PRKAG2: variants seen among roughly 807,000 people sequenced by gnomAD.
PRKAG2 encodes the protein protein kinase AMP-activated non-catalytic subunit gamma 2, also known as 5'-AMP-activated protein kinase subunit gamma-2.
A neutral mutation model predicts 69.6 loss-of-function variants in PRKAG2; 26 were observed. The ratio of observed to expected loss-of-function variants is 0.37; its 90% confidence interval spans 0.27 to 0.52. PRKAG2 has a LOEUF of 0.52. PRKAG2 is among the 20% of genes least tolerant of loss of function. The pLI is 0.90. For synonymous variants in PRKAG2, 293 were observed against 285.0 expected (o/e 1.03, Z -0.28); for missense variants, 557 against 740.0 (o/e 0.75, Z 2.87).
At chr7:151,744,233 C>T (rs549878259) in intron 3 of PRKAG2, among the ~76,000 whole-genome samples, 5 of 152,210 alleles carry the variant, frequency 3.3e-5, no homozygotes, top group East Asian at 1.9e-4. Flanking sequence ...GGTTCTCAGC[C>T]GGTGCCCCGG....
At chr7:151,743,396 A>T (rs933576971) in intron 3 of PRKAG2, among the ~76,000 whole-genome samples, 1 of 152,120 alleles carries the variant, frequency 6.6e-6, no homozygotes, top group African/African-American at 2.4e-5. Flanking sequence ...TTCTGACACT[A>T]GGTTTATAAG....
rs372573530 is a variant in PRKAG2 at position 151,614,673 on chromosome 7, T to C, written c.754+17396A>G. Reference sequence around the variant, plus strand: ...TTTCAGAGCAAACAGCTCGCAGTGATGATCTGTGGCCCTAAGCCCACTTTG... The same window carrying C: ...TTTCAGAGCAAACAGCTCGCAGTGACGATCTGTGGCCCTAAGCCCACTTTG... On this transcript the variant is annotated intron_variant, in intron 5 of 15. Transcript: ENST00000287878. This position sits in a 1 kb window ranked among gnomAD's most constrained non-coding sequence, Gnocchi z 4.4. 6.2e-4 allele frequency among the ~76,000 whole-genome samples: 94 copies of C among 152,320 alleles called. 4 individuals carry two copies. The South Asian group carries it at 0.019, about 31-fold the overall frequency.
chr7:151,739,468 T>TTATTTATC (rs1554576608), intron 3 of PRKAG2, among the ~76,000 whole-genome samples: 4 of 151,112 alleles, frequency 2.6e-5, no homozygotes, highest in African/African-American at 4.9e-5. Context: ...ATTTATTTAT[T>TTATTTATC]TATCTATTTT....
chr7:151,638,534 T>A lies in PRKAG2; in HGVS notation c.685-6396A>T, dbSNP rs1826128973. On this transcript the variant is annotated intron_variant, in intron 4 of 15. Coordinates refer to ENST00000287878, the MANE Select transcript of PRKAG2 (RefSeq NM_016203.4). The surrounding 1 kb of genome is among the most constrained non-coding windows in gnomAD (Gnocchi z 4.3). The stretch of plus-strand genomic sequence containing the variant: ...CTGTAGTCCCAGCTACTCGGGAGGC[T>A]GAGGCAGGAGAATCGCTTGAACCCA... 6.6e-6 allele frequency among the ~76,000 whole-genome samples: 1 copy of A among 151,984 alleles called. No individual in the cohort carries two copies. Among genetic ancestry groups the A allele is most frequent in the Non-Finnish European group, 1.5e-5 (1 of 68,010 alleles).
Position 151,850,039 on chromosome 7 carries a change from G to A in PRKAG2, c.114+26468C>T, listed in dbSNP as rs2079532020. ...AGCGTGCTGTAGCTAGGCACAGAGAGGCTCTGCTGGGCTGCAGGGGGAGCG... is the reference window on the plus strand; with the variant it reads ...AGCGTGCTGTAGCTAGGCACAGAGAAGCTCTGCTGGGCTGCAGGGGGAGCG... On this transcript the variant is annotated intron_variant, in intron 1 of 15. Transcript: ENST00000287878. The surrounding 1 kb of genome is among the most constrained non-coding windows in gnomAD (Gnocchi z 4.1). Among the ~76,000 whole-genome samples the A allele has an allele frequency of 6.6e-6, 1 of 152,196 alleles. No individual in the cohort carries two copies. The highest frequency in any genetic ancestry group is 2.4e-5 in the African/African-American group (1 of 41,442).
At position 151,702,071 on chromosome 7, in the gene PRKAG2, G is replaced by C. The variant is rs535039129; in HGVS notation, c.467-26434C>G. 1.6e-3 allele frequency among the ~76,000 whole-genome samples: 239 copies of C among 152,304 alleles called. 1 individual carries two copies. The highest frequency in any genetic ancestry group is 5.6e-3 in the African/African-American group (234 of 41,568). On this transcript the variant is annotated intron_variant, in intron 3 of 15. Transcript: ENST00000287878. ...CCCTGGGTGCTAATCCAGCTGCACTGTCCGTATTTCCAATGCTCAACAGCC... is the reference window on the plus strand; with the variant it reads ...CCCTGGGTGCTAATCCAGCTGCACTCTCCGTATTTCCAATGCTCAACAGCC...
rs184335454 is a variant in PRKAG2 at position 151,835,253 on chromosome 7, T to C, written c.114+41254A>G. 1.3e-5 allele frequency among the ~76,000 whole-genome samples: 2 copies of C among 152,290 alleles called. No homozygotes were observed. The highest frequency in any genetic ancestry group is 3.9e-4 in the East Asian group (2 of 5,182). ...GTTTTTAGGGTCAGGGTCTTGCTGT[T>C]TTCCAGGCTGGAGTGCCATGACACA... On this transcript the variant is annotated intron_variant, in intron 1 of 15. Transcript: ENST00000287878. The surrounding 1 kb of genome is among the most constrained non-coding windows in gnomAD (Gnocchi z 4.1).
chr7:151,853,211 G>A (rs1297229378), intron 1 of PRKAG2, among the ~76,000 whole-genome samples: 1 of 152,152 alleles, frequency 6.6e-6, no homozygotes, highest in Non-Finnish European at 1.5e-5. Flanking sequence ...CTGTCCCATA[G>A]GCGCAGCACC....
intron 10 of PRKAG2, among the ~76,000 whole-genome samples, chr7:151,569,958 T>C (rs569426564): frequency 6.6e-6 from 1 of 152,334 alleles, no homozygotes; most frequent in East Asian, 1.9e-4. Context: ...AGTATGACCC[T>C]ATTACTAGAC....
At chr7:151,562,451 T>C (rs73727849) in intron 14 of PRKAG2, among the ~76,000 whole-genome samples, 1,915 of 137,880 alleles carry the variant, frequency 0.014, 36 homozygotes, top group African/African-American at 0.053. Flanking sequence ...GTTTCTGTCA[T>C]AGGTTGCTTT....
chr7:151,727,384 T>TG (rs1420023838), intron 3 of PRKAG2, among the ~76,000 whole-genome samples: 1 of 151,828 alleles, frequency 6.6e-6, no homozygotes, highest in Non-Finnish European at 1.5e-5. Flanking sequence ...GCCATCGAGG[T>TG]GGGGAGGACC....
intron 1 of PRKAG2, among the ~76,000 whole-genome samples, chr7:151,829,895 C>T (rs1014287619): frequency 4.6e-5 from 7 of 151,802 alleles, no homozygotes; most frequent in African/African-American, 7.2e-5. Flanking sequence ...GTACAGCCTG[C>T]GCAGCTGCCA....
intron 6 of PRKAG2, among the ~76,000 whole-genome samples, chr7:151,580,528 A>C (rs1393372138): frequency 2.0e-5 from 3 of 152,166 alleles, no homozygotes; most frequent in African/African-American, 2.4e-5. Flanking sequence ...ATAGAAGCAA[A>C]ATATATAACA....
intron 4 of PRKAG2, among the ~76,000 whole-genome samples, chr7:151,669,664 C>T (rs1212026191): frequency 6.6e-6 from 1 of 152,160 alleles, no homozygotes; most frequent in African/African-American, 2.4e-5. Context: ...ACTCAATATC[C>T]ACTTGCCCTT....
rs1025437750 is a variant in PRKAG2, at chr7:151,692,001, A to T, written c.467-16364T>A. ...CAGGAGTTCAAGACCAGCCTAGGCA[A>T]CATAGTGGGACCCCATCTCTACAAA... On this transcript the variant is annotated intron_variant, in intron 3 of 15. Coordinates refer to ENST00000287878, the MANE Select transcript of PRKAG2 (RefSeq NM_016203.4). Among the ~76,000 whole-genome samples the T allele has an allele frequency of 7.2e-5, 11 of 152,280 alleles. No homozygotes were observed. The East Asian group carries it at 2.1e-3, about 29-fold the overall frequency.
In PRKAG2 at chr7:151,780,647, A is replaced by C. The variant is rs765085238; in HGVS notation, c.466+505T>G. 3.9e-5 allele frequency among the ~76,000 whole-genome samples: 6 copies of C among 152,150 alleles called. No homozygotes were observed. The highest frequency in any genetic ancestry group is 8.8e-5 in the Non-Finnish European group (6 of 68,032). ...CCCCAGCAAATCCCTCCTAGCTTCCATTCCCTGCTGCCCAGAGCCCCAAAC... is the reference window on the plus strand; with the variant it reads ...CCCCAGCAAATCCCTCCTAGCTTCCCTTCCCTGCTGCCCAGAGCCCCAAAC... On this transcript the variant is annotated intron_variant, in intron 3 of 15. Coordinates refer to ENST00000287878, the MANE Select transcript of PRKAG2 (RefSeq NM_016203.4). The surrounding 1 kb of genome is among the most constrained non-coding windows in gnomAD (Gnocchi z 4.2).
At chr7:151,826,719 A>G (rs79725612) in intron 1 of PRKAG2, among the ~76,000 whole-genome samples, 28,790 of 152,216 alleles carry the variant, frequency 0.19, 3,277 homozygotes, top group Middle Eastern at 0.29. Context: ...ATCCTCAAAT[A>G]CACGGAGCCC....
intron 14 of PRKAG2, among the ~76,000 whole-genome samples, chr7:151,563,299 G>A (rs1016931284): frequency 6.6e-6 from 1 of 152,088 alleles, no homozygotes; most frequent in African/African-American, 2.4e-5. Flanking sequence ...TTTATTTAGG[G>A]TGTTACACAA....
At chr7:151,575,137 A>G (rs958637912) in intron 7 of PRKAG2, among the ~76,000 whole-genome samples, 188 bp from the exon 8 acceptor site, 1 of 152,242 alleles carries the variant, frequency 6.6e-6, no homozygotes, top group African/African-American at 2.4e-5. Flanking sequence ...GGATATACAA[A>G]TTTAGCTGAA....
Sources: allele counts gnomAD v4.1 joint callset (sites outside exome capture counted in the v4.1 genomes callset), GRCh38; gene constraint gnomAD v4.1.1; non-coding constraint Gnocchi (gnomAD v3.1); transcripts MANE v1.5; gene names NCBI Gene and HGNC (gene_info 2026-07-23, HGNC 2026-07-21).